CTNNA2: variants seen among roughly 807,000 people sequenced by gnomAD.
CTNNA2 encodes the protein catenin alpha-2.
In CTNNA2, 42 loss-of-function variants were observed where a neutral mutation model predicts 101.0. That is an observed-to-expected ratio of 0.42 (90% CI 0.32 to 0.54). The LOEUF (loss-of-function observed/expected upper bound fraction) is 0.54, where lower values mean the gene tolerates loss of function less well. CTNNA2 is among the 20% of genes least tolerant of loss of function. The pLI, the probability that CTNNA2 is intolerant of heterozygous loss-of-function variation, is 0.14. For synonymous variants in CTNNA2, 450 were observed against 456.4 expected, an observed-to-expected ratio of 0.99 and a Z score of 0.18; for missense variants, 871 against 1,223.1, an observed-to-expected ratio of 0.71 and a Z score of 4.29.
chr2:80,173,390 C>T (rs1224516443), intron 7 of CTNNA2, among the ~76,000 whole-genome samples: 2 of 152,162 alleles, frequency 1.3e-5, no homozygotes, highest in Non-Finnish European at 2.9e-5. Context: ...AAATGGAAAG[C>T]ATGACTGTAT....
intron 7 of CTNNA2, among the ~76,000 whole-genome samples, chr2:80,380,326 G>C (rs180918859): frequency 6.6e-6 from 1 of 151,938 alleles, no homozygotes; most frequent in South Asian, 2.1e-4. Context: ...GTGAGCCACC[G>C]CACCTGGCCA....
chr2:80,412,975 G>A (rs13423808), intron 8 of CTNNA2, among the ~76,000 whole-genome samples: 2,822 of 152,242 alleles, frequency 0.019, 47 homozygotes, highest in Non-Finnish European at 0.028. Flanking sequence ...CAAGCCCAGA[G>A]TCACAGAGGG....
intron 2 of CTNNA2, among the ~76,000 whole-genome samples, chr2:79,665,190 G>A (rs972448780): frequency 2.0e-5 from 3 of 152,074 alleles, no homozygotes; most frequent in African/African-American, 4.8e-5. Context: ...GTATTGGCCA[G>A]CACCCATGCA....
intron 2 of CTNNA2, among the ~76,000 whole-genome samples, chr2:79,251,335 A>T (rs1223158525): frequency 6.6e-6 from 1 of 152,180 alleles, no homozygotes. Flanking sequence ...TGTGGAATGC[A>T]CCATGAACCA....
chr2:80,580,241 C>G (rs1695411157), intron 13 of CTNNA2, among the ~76,000 whole-genome samples: 1 of 152,148 alleles, frequency 6.6e-6, no homozygotes, highest in African/African-American at 2.4e-5. Context: ...ACATGGTAAG[C>G]ACTTAATGCA....
At chr2:80,104,305 A>G (rs1700740546) in intron 7 of CTNNA2, among the ~76,000 whole-genome samples, 1 of 152,182 alleles carries the variant, frequency 6.6e-6, no homozygotes, top group Non-Finnish European at 1.5e-5. Context: ...TATCTTTCTA[A>G]TAAAGACTCC....
intron 3 of CTNNA2, among the ~76,000 whole-genome samples, chr2:79,853,702 C>T (rs1344669184): frequency 1.5e-5 from 2 of 135,428 alleles, no homozygotes; most frequent in Non-Finnish European, 3.1e-5. Context: ...GAATTTCACT[C>T]TTGTTGCCCA....
rs562550927 is a variant in CTNNA2, at chr2:80,010,722, T to C, written c.1056+100925T>C. Among the ~76,000 whole-genome samples, 18 of 152,276 alleles carry C rather than the reference T, an allele frequency of 1.2e-4. No homozygotes were observed. In the East Asian group the frequency reaches 3.3e-3, roughly 28 times the overall value. ...TTGTGGTTTTTGCCATTCACTTTTT[T>C]TTTTTCCACAATCACTTTTGCACCA... is the stretch of plus-strand genomic sequence containing the variant. On this transcript the variant is annotated intron_variant, in intron 7 of 18. Transcript: ENST00000402739.
intron 12 of CTNNA2, among the ~76,000 whole-genome samples, chr2:80,571,640 A>T (rs551178815): frequency 6.6e-6 from 1 of 152,164 alleles, no homozygotes; most frequent in African/African-American, 2.4e-5. Flanking sequence ...TTCTTTTCCT[A>T]CTCACACGAT....
chr2:79,229,672 A>G (rs369442263), intron 2 of CTNNA2, among the ~76,000 whole-genome samples: 27 of 152,354 alleles, frequency 1.8e-4, no homozygotes, highest in African/African-American at 6.0e-4. Flanking sequence ...GGAACTGGGT[A>G]ACAGGCAGAG....
At chr2:80,038,437 G>A (rs1695808344) in intron 7 of CTNNA2, among the ~76,000 whole-genome samples, 1 of 152,092 alleles carries the variant, frequency 6.6e-6, no homozygotes, top group South Asian at 2.1e-4. Context: ...AATTAAATGT[G>A]AGGCCGGGCG....
At chr2:79,927,928 G>T (rs1360373667) in intron 7 of CTNNA2, among the ~76,000 whole-genome samples, 1 of 152,022 alleles carries the variant, frequency 6.6e-6, no homozygotes, top group Admixed American at 6.6e-5. Context: ...TGCCTCTTTG[G>T]TGGTCATTTT....
chr2:79,657,493 C>A (rs900134467), intron 2 of CTNNA2, among the ~76,000 whole-genome samples: 1 of 151,840 alleles, frequency 6.6e-6, no homozygotes, highest in Admixed American at 6.6e-5. Context: ...TGAATATTAC[C>A]AGACGCTTGT....
At chr2:80,030,747 T>C (rs892046633) in intron 7 of CTNNA2, among the ~76,000 whole-genome samples, 5 of 152,196 alleles carry the variant, frequency 3.3e-5, no homozygotes, top group Non-Finnish European at 7.3e-5. Flanking sequence ...GAATCATTTA[T>C]AGGATATGTA....
At chr2:79,968,116 C>G (rs1690207649) in intron 7 of CTNNA2, among the ~76,000 whole-genome samples, 1 of 151,972 alleles carries the variant, frequency 6.6e-6, no homozygotes, top group Non-Finnish European at 1.5e-5. Flanking sequence ...TGTTTTCACA[C>G]TAGATAGAAG....
Position 79,736,646 on chromosome 2 carries a change from T to A in CTNNA2, c.103-7741T>A, listed in dbSNP as rs536257522. Among the ~76,000 whole-genome samples the A allele has an allele frequency of 7.9e-5, 12 of 152,348 alleles. No individual in the cohort carries two copies. In the South Asian group the frequency reaches 2.5e-3, roughly 32 times the overall value. ...ACCCCAAAAATGTCTTGCTTTGGAA[T>A]TTCTATTTTAATTTTTACTTGTTTT... On this transcript the variant is annotated intron_variant, in intron 2 of 18. Transcript: ENST00000402739.
intron 2 of CTNNA2, among the ~76,000 whole-genome samples, chr2:79,308,247 T>C (rs1162408037): frequency 2.0e-5 from 3 of 152,162 alleles, no homozygotes; most frequent in Non-Finnish European, 4.4e-5. Flanking sequence ...GGTTTCATCA[T>C]GTTGGCCAGG....
At chr2:80,632,952 A>T (rs559857289) in intron 18 of CTNNA2, among the ~76,000 whole-genome samples, 16 of 152,218 alleles carry the variant, frequency 1.1e-4, no homozygotes, top group Admixed American at 9.2e-4. Flanking sequence ...AGAGTGTCCA[A>T]ACTTTCACAG....
chr2:80,199,182 GAAAAAAAAAAAAAAAAAAA>G (rs70940076), intron 7 of CTNNA2, among the ~76,000 whole-genome samples: 2 of 40,050 alleles, frequency 5.0e-5, no homozygotes, highest in South Asian at 3.0e-3. Context: ...CTCCATCTCA[GAAAAAAAAAAAAAAAAAAA>G]AAAAAAAAAG....
Sources: gnomAD v4.1 joint callset for allele counts (sites outside exome capture counted in the v4.1 genomes callset) on GRCh38, gnomAD v4.1.1 for gene constraint, MANE v1.5 for transcripts, NCBI Gene and HGNC (gene_info 2026-07-23, HGNC 2026-07-21) for gene names.